Variants in PLEKHA6 observed in about 807,000 individuals in gnomAD.
PLEKHA6 encodes the protein pleckstrin homology domain containing A6.
In PLEKHA6, 60 loss-of-function variants were observed where a neutral mutation model predicts 116.7. The ratio of observed to expected loss-of-function variants is 0.51; its 90% CI spans 0.42 to 0.64. PLEKHA6 has a LOEUF of 0.64. Ranked by LOEUF, PLEKHA6 falls within the 30% of genes least tolerant of loss-of-function variation. The pLI, the probability that PLEKHA6 is intolerant of heterozygous loss-of-function variation, is 0.00. For missense variants in PLEKHA6, 1,338 were observed against 1,422.7 expected, an observed-to-expected ratio of 0.94 and a Z score of 0.96; for synonymous variants, 489 against 556.1, an observed-to-expected ratio of 0.88 and a Z score of 1.70.
At position 204,272,423 on chromosome 1, in the gene PLEKHA6, C is replaced by A. The variant is rs370863489; in HGVS notation, c.102+1203G>T. On this transcript the variant is annotated intron_variant, in intron 3 of 22. Coordinates refer to ENST00000272203, the MANE Select transcript of PLEKHA6 (RefSeq NM_014935.5). ...CTTAAAACAAAACCAACAAATGAAA[C>A]CTCCCTCCAGTCTTGCGTTACCTTC... Among the ~76,000 whole-genome samples, 9 of 152,294 alleles carry A rather than the reference C, an allele frequency of 5.9e-5. No individual in the cohort carries two copies. In the East Asian group the frequency reaches 1.7e-3, roughly 29 times the overall value.
chr1:204,349,041 A>C (rs1673180988), intron 1 of PLEKHA6, among the ~76,000 whole-genome samples: 1 of 152,160 alleles, frequency 6.6e-6, no homozygotes, highest in Admixed American at 6.5e-5. Context: ...CCCCTCAGAC[A>C]CGGAGGGAAC....
chr1:204,317,191 G>T, intron 1 of PLEKHA6: 1 of 924,434 alleles, frequency 1.1e-6, no homozygotes, highest in Non-Finnish European at 1.3e-6. Flanking sequence ...AAAGAGTTAA[G>T]CATAGGGTAC....
intron 1 of PLEKHA6, among the ~76,000 whole-genome samples, chr1:204,347,961 T>C (rs947872846): frequency 6.6e-6 from 1 of 152,230 alleles, no homozygotes; most frequent in Non-Finnish European, 1.5e-5. Flanking sequence ...GTACCGATTC[T>C]CCTTATCAGA....
At chr1:204,275,629 G>T in intron 1 of PLEKHA6, 1 of 861,312 alleles carries the variant, frequency 1.2e-6, no homozygotes, top group African/African-American at 1.8e-5. Context: ...GGCTGGCTGA[G>T]TGTCAGGACA....
intron 13 of PLEKHA6, among the ~76,000 whole-genome samples, chr1:204,246,975 A>G (rs1663781299): frequency 6.6e-6 from 1 of 152,130 alleles, no homozygotes; most frequent in African/African-American, 2.4e-5. Context: ...GACTCTACAA[A>G]AAATACAAAA....
chr1:204,345,717 G>A (rs892217349), intron 1 of PLEKHA6, among the ~76,000 whole-genome samples: 10 of 152,060 alleles, frequency 6.6e-5, no homozygotes, highest in African/African-American at 2.4e-4. Context: ...GACTCCTCCT[G>A]TCCCCTCTTC....
chr1:204,282,888 GC>G, intron 1 of PLEKHA6: 1 of 808,738 alleles, frequency 1.2e-6, no homozygotes, highest in Non-Finnish European at 1.5e-6. Context: ...CAGTAGCTAA[GC>G]CAGACAGAAG....
intron 3 of PLEKHA6, among the ~76,000 whole-genome samples, chr1:204,268,658 C>G (rs1364291969): frequency 6.6e-6 from 1 of 151,150 alleles, no homozygotes; most frequent in Non-Finnish European, 1.5e-5. Context: ...CTCCTACTCC[C>G]TCTCTCTTCC....
chr1:204,320,260 AG>A (rs1672011233), intron 1 of PLEKHA6, among the ~76,000 whole-genome samples: 2 of 152,070 alleles, frequency 1.3e-5, no homozygotes, highest in Admixed American at 6.5e-5. Context: ...TGGATTTAGG[AG>A]GATGGTGGCA....
At chr1:204,374,619 T>C (rs73061826) in intron 1 of PLEKHA6, among the ~76,000 whole-genome samples, 58 of 152,282 alleles carry the variant, frequency 3.8e-4, no homozygotes, top group African/African-American at 1.3e-3. Flanking sequence ...CCATCTTTTA[T>C]AGAACCTCCT....
intron 1 of PLEKHA6, among the ~76,000 whole-genome samples, chr1:204,345,391 C>T (rs1673002137): frequency 6.6e-6 from 1 of 152,136 alleles, no homozygotes; most frequent in South Asian, 2.1e-4. Flanking sequence ...CTGAGCTTCC[C>T]CTATGCCTGC....
chr1:204,240,264 T>C (rs1662616996), intron 17 of PLEKHA6, among the ~76,000 whole-genome samples: 1 of 152,202 alleles, frequency 6.6e-6, no homozygotes. Context: ...GGACTACAAA[T>C]GGCCCAGACC....
At chr1:204,300,357 C>T (rs1048988595) in intron 1 of PLEKHA6, among the ~76,000 whole-genome samples, 8 of 152,182 alleles carry the variant, frequency 5.3e-5, no homozygotes, top group African/African-American at 9.7e-5. Context: ...GCAGGAAGCA[C>T]TGTGCATTTC....
chr1:204,255,333 A>C (rs764116156), intron 9 of PLEKHA6, among the ~76,000 whole-genome samples: 2 of 152,038 alleles, frequency 1.3e-5, no homozygotes, highest in Non-Finnish European at 2.9e-5. Context: ...GCAAATTCCC[A>C]CCTGCCCCCT....
intron 9 of PLEKHA6, chr1:204,251,719 C>T (rs960170650): frequency 1.6e-6 from 1 of 635,496 alleles, no homozygotes; most frequent in Non-Finnish European, 2.9e-6. Flanking sequence ...GCAGCTCCCC[C>T]AGCACCCTGA....
rs200309057 is a variant in PLEKHA6 at position 204,228,185 on chromosome 1, C to A, written c.2929G>T (p.Val977Leu). The A allele has an allele frequency of 5.6e-6, 9 of 1,612,194 alleles. No homozygotes were observed. The highest frequency in any genetic ancestry group is 6.8e-6 in the Non-Finnish European group (8 of 1,178,806). Residue 977 changes from valine (V) to leucine (L), a missense_variant, in exon 21 of 23, where the codon GTG (valine) becomes TTG (leucine). This residue lies in a region of PLEKHA6 where 1,136 missense variants were observed against 1,163.6 expected (regional missense o/e 0.98). Transcript: ENST00000272203. This position sits in a 1 kb window ranked among gnomAD's most constrained non-coding sequence, Gnocchi z 4.0. Reference protein sequence around the residue: ...VPIGEGDSVDVPQDSESQLQE... With the variant: ...VPIGEGDSVDLPQDSESQLQE... ...AGCTGGCTCTCTGAGTCCTGGGGCA[C>A]GTCCACAGAGTCCCCCTCGCCGATG... is the stretch of plus-strand genomic sequence containing the variant.
chr1:204,281,394 G>A (rs1309192916), intron 1 of PLEKHA6, among the ~76,000 whole-genome samples: 5 of 151,744 alleles, frequency 3.3e-5, no homozygotes, highest in Non-Finnish European at 5.9e-5. Context: ...GCCTGGTGGC[G>A]GGCACCTGTA....
Position 204,282,828 on chromosome 1 carries a change from G to A in PLEKHA6, c.-94-8019C>T, listed in dbSNP as rs374276277. The A allele has an allele frequency of 6.7e-4, 659 of 984,926 alleles. 8 individuals are homozygous for A. In the African/African-American group the frequency reaches 0.01, roughly 15 times the overall value. The allele number at this position is 984,926 out of a possible 1,614,324, so 61.0% of individuals were successfully genotyped here. ...CTTCTAAAGAGAGGGGGAATTCAAA[G>A]GAGAACCAGCTGCCTACAGCTCTGG... On this transcript the variant is annotated intron_variant, in intron 1 of 22. Transcript: ENST00000272203.
At chr1:204,251,747 G>A (rs1338640409) in intron 9 of PLEKHA6, 3 of 605,210 alleles carry the variant, frequency 5.0e-6, no homozygotes, top group Non-Finnish European at 6.0e-6. Context: ...CTCACTCCTT[G>A]CTCACCCCTA....
Sources: allele counts gnomAD v4.1 joint callset (sites outside exome capture counted in the v4.1 genomes callset), GRCh38; gene constraint gnomAD v4.1.1; regional missense constraint gnomAD v4.1.1; non-coding constraint Gnocchi (gnomAD v3.1); transcripts MANE v1.5; gene names NCBI Gene and HGNC (gene_info 2026-07-23, HGNC 2026-07-21).